Variants in CERS3 observed in about 807,000 individuals in gnomAD.
The protein encoded by CERS3 is LAG1 homolog, ceramide synthase 3.
A neutral mutation model predicts 50.3 loss-of-function variants in CERS3; 33 were observed. That is an observed-to-expected ratio of 0.66 (90% CI 0.50 to 0.88). The LOEUF is 0.88. CERS3 is among the 40% of genes least tolerant of loss of function. The pLI is 0.00. For synonymous variants in CERS3, 176 were observed against 155.2 expected (o/e 1.13, Z -0.99); for missense variants, 470 against 460.3 (o/e 1.02, Z -0.19).
intron 11 of CERS3, among the ~76,000 whole-genome samples, chr15:100,429,499 C>A (rs368379911): frequency 2.0e-5 from 3 of 152,312 alleles, no homozygotes; most frequent in African/African-American, 7.2e-5. Flanking sequence ...CACACCCCTG[C>A]CTGTGTCTCT....
At chr15:100,412,717 C>G (rs1346272652) in intron 11 of CERS3, among the ~76,000 whole-genome samples, 1 of 152,114 alleles carries the variant, frequency 6.6e-6, no homozygotes, top group Admixed American at 6.6e-5. Flanking sequence ...TTATACTCTC[C>G]CAACTAACCA....
chr15:100,435,752 A>G (rs750940189), intron 11 of CERS3, among the ~76,000 whole-genome samples: 1 of 152,254 alleles, frequency 6.6e-6, no homozygotes, highest in African/African-American at 2.4e-5. Context: ...TCCAGAATCT[A>G]CAATGAACTT....
At chr15:100,479,401 G>T in intron 7 of CERS3, 27 bp downstream of exon 7, 1 of 1,549,290 alleles carries the variant, frequency 6.5e-7, no homozygotes. Flanking sequence ...TTCAAGTAAG[G>T]GGAGGAATAT....
chr15:100,407,994 C>T (rs2031188334), intron 11 of CERS3, among the ~76,000 whole-genome samples: 1 of 152,270 alleles, frequency 6.6e-6, no homozygotes, highest in South Asian at 2.1e-4. Context: ...GCCTCAGCCC[C>T]CTGAGTAGCT....
intron 11 of CERS3, among the ~76,000 whole-genome samples, chr15:100,405,650 C>T (rs1315724076): frequency 6.6e-6 from 1 of 152,038 alleles, no homozygotes; most frequent in Non-Finnish European, 1.5e-5. Flanking sequence ...AAAGATAAAA[C>T]TATAGGGATG....
intron 7 of CERS3, among the ~76,000 whole-genome samples, chr15:100,477,284 C>A (rs140235342): frequency 6.6e-6 from 1 of 152,220 alleles, no homozygotes; most frequent in Non-Finnish European, 1.5e-5. Flanking sequence ...ATTCTTAGGT[C>A]CCTTATTGTC....
At chr15:100,482,247 C>T (rs986225676) in intron 5 of CERS3, among the ~76,000 whole-genome samples, 4 of 152,026 alleles carry the variant, frequency 2.6e-5, no homozygotes, top group Admixed American at 6.5e-5. Flanking sequence ...TAAACATAAA[C>T]GTGGGGGGAG....
intron 1 of CERS3, among the ~76,000 whole-genome samples, chr15:100,538,757 A>G (rs1419015047): frequency 6.6e-6 from 1 of 152,178 alleles, no homozygotes; most frequent in Admixed American, 6.5e-5. Flanking sequence ...TGTCTTGGTG[A>G]TGAACGTTTG....
intron 10 of CERS3, 32 bp downstream of exon 10, chr15:100,469,345 AC>A: frequency 1.9e-6 from 3 of 1,558,886 alleles, no homozygotes; most frequent in Non-Finnish European, 2.7e-6. Context: ...CTGCACACTG[AC>A]CAAAGGCAGG....
chr15:100,441,130 T>C (rs1255095266), intron 11 of CERS3, among the ~76,000 whole-genome samples: 1 of 152,048 alleles, frequency 6.6e-6, no homozygotes, highest in Non-Finnish European at 1.5e-5. Flanking sequence ...TGATCCCTTA[T>C]TTCCACACCC....
In CERS3 at chr15:100,463,075, TAG is replaced by T. The variant is rs553475438; in HGVS notation, c.845+6301_845+6302del. On this transcript the variant is annotated intron_variant, in intron 10 of 11. Transcript: ENST00000679737. ...TTCATACATGTGTGTGGTGGGGAAG[TAG>T]AGAGAGAAGGAATGACAAAGTAAAT... 1.2e-4 allele frequency among the ~76,000 whole-genome samples: 18 copies of T among 152,216 alleles called. No individual in the cohort carries two copies. In the South Asian group the frequency reaches 3.5e-3, roughly 30 times the overall value.
intron 2 of CERS3, among the ~76,000 whole-genome samples, chr15:100,506,212 T>C (rs977207219): frequency 6.6e-6 from 1 of 152,052 alleles, no homozygotes; most frequent in East Asian, 1.9e-4. Flanking sequence ...GGACTTGTGG[T>C]TAGAATATGT....
At chr15:100,501,876 G>C in intron 2 of CERS3, 26 bp from the exon 3 acceptor site, 12 of 1,608,472 alleles carry the variant, frequency 7.5e-6, no homozygotes, top group Non-Finnish European at 1.0e-5. Flanking sequence ...CAGACATTAG[G>C]CTTGTAAAAC....
intron 2 of CERS3, among the ~76,000 whole-genome samples, chr15:100,506,119 A>G (rs1021946835): frequency 1.3e-5 from 2 of 152,178 alleles, no homozygotes; most frequent in African/African-American, 4.8e-5. Flanking sequence ...CACAAACAAC[A>G]AAAGAAAGAA....
chr15:100,424,926 G>A (rs2032711843), intron 11 of CERS3, among the ~76,000 whole-genome samples: 1 of 152,218 alleles, frequency 6.6e-6, no homozygotes, highest in Non-Finnish European at 1.5e-5. Flanking sequence ...CATTTTCCCA[G>A]CTGCTTTAGC....
chr15:100,438,801 C>T (rs922188417), intron 11 of CERS3, among the ~76,000 whole-genome samples: 9 of 152,220 alleles, frequency 5.9e-5, no homozygotes, highest in South Asian at 2.1e-4. Flanking sequence ...TCCCCCCGCA[C>T]GTCTTGACTA....
Position 100,469,341 on chromosome 15 carries a change from A to G in CERS3, c.845+37T>C, listed in dbSNP as rs758867607. On this transcript the variant is annotated intron_variant, in intron 10 of 11. Coordinates refer to ENST00000679737, the MANE Select transcript of CERS3 (RefSeq NM_001378789.1). Reference sequence around the variant, plus strand: ...CCATGCACTGAGGCCACCTCTGCACACTGACCAAAGGCAGGGCACATCACC... The same window carrying G: ...CCATGCACTGAGGCCACCTCTGCACGCTGACCAAAGGCAGGGCACATCACC... 8.3e-5 allele frequency: 128 copies of G among 1,544,508 alleles called. 1 individual carries two copies. Among genetic ancestry groups the G allele is most frequent in the Non-Finnish European group, 1.1e-4 (125 of 1,116,852 alleles).
At chr15:100,460,249 T>C (rs1344170223) in intron 10 of CERS3, among the ~76,000 whole-genome samples, 1 of 152,242 alleles carries the variant, frequency 6.6e-6, no homozygotes, top group East Asian at 1.9e-4. Flanking sequence ...ATGTCACTTA[T>C]TTGTGCATTT....
At position 100,498,183 on chromosome 15, in the gene CERS3, C is replaced by T. The variant is rs150978293; in HGVS notation, c.173+3494G>A. The stretch of plus-strand genomic sequence containing the variant: ...TGCTGGAATTACAGGCATGAGCCAC[C>T]GCGCCCGGCCAAAAAATAACATTGT... On this transcript the variant is annotated intron_variant, in intron 3 of 11. Transcript: ENST00000679737. Among the ~76,000 whole-genome samples, 1,207 of 152,050 alleles carry T rather than the reference C, an allele frequency of 7.9e-3. 11 individuals carry two copies. Among genetic ancestry groups the T allele is most frequent in the African/African-American group, 0.027 (1,107 of 41,472 alleles).
Sources: gnomAD v4.1 joint callset for allele counts (sites outside exome capture counted in the v4.1 genomes callset) on GRCh38, gnomAD v4.1.1 for gene constraint, MANE v1.5 for transcripts, NCBI Gene and HGNC (gene_info 2026-07-23, HGNC 2026-07-21) for gene names.